The following ZNF469 variants were observed in gnomAD, a reference collection of about 807,000 sequenced individuals.
ZNF469 encodes the protein zinc finger protein 469.
Under a neutral mutation model 1.0 loss-of-function variants are expected in ZNF469, and 1 was observed. The observed-to-expected ratio is 1.00, with a 90% CI of 0.35 to 4.73. The LOEUF (loss-of-function observed/expected upper bound fraction) is 4.73, where lower values mean the gene tolerates loss of function less well. Among genes scored for constraint, ZNF469 ranks in the 30% most tolerant of loss-of-function variants. The pLI is 0.16. For missense variants in ZNF469, 6,100 were observed against 5,356.3 expected, an observed-to-expected ratio of 1.14 and a Z score of -4.33; for synonymous variants, 2,703 against 2,363.4, an observed-to-expected ratio of 1.14 and a Z score of -4.17.
chr16:88,357,935 A>G, the ZNF469 span, among the ~76,000 whole-genome samples: 81,009 of 152,164 alleles, frequency 0.53, 22,936 homozygotes, highest in East Asian at 0.77. Flanking sequence ...GGCGCCTTCC[A>G]CACCCGCAGT....
intron 1 of ZNF469, among the ~76,000 whole-genome samples, chr16:88,394,239 G>GCGC (rs1345502721): frequency 2.0e-5 from 3 of 151,672 alleles, no homozygotes; most frequent in Non-Finnish European, 2.9e-5. Context: ...TGTCCAAGAG[G>GCGC]AGCAGGGTTT....
the ZNF469 span, among the ~76,000 whole-genome samples, chr16:88,279,426 C>T: frequency 4.7e-5 from 7 of 147,836 alleles, no homozygotes; most frequent in South Asian, 2.2e-4. Context: ...CACTGACACT[C>T]GGTCAGTACC....
At chr16:88,117,254 G>A in the ZNF469 span, among the ~76,000 whole-genome samples, 25 of 151,864 alleles carry the variant, frequency 1.6e-4, no homozygotes, top group Non-Finnish European at 3.1e-4. Flanking sequence ...TGTGAGAGCC[G>A]GGGACGTGTG....
At chr16:88,375,698 G>A in the ZNF469 span, among the ~76,000 whole-genome samples, 12 of 152,250 alleles carry the variant, frequency 7.9e-5, no homozygotes, top group African/African-American at 2.2e-4. Flanking sequence ...GGCATGAGGC[G>A]CACTGTCCTC....
At chr16:88,131,696 G>A in the ZNF469 span, among the ~76,000 whole-genome samples, 2 of 152,360 alleles carry the variant, frequency 1.3e-5, no homozygotes. Flanking sequence ...GGGGCCGCTC[G>A]CAGAAGGCAG....
chr16:88,337,612 C>A, the ZNF469 span, among the ~76,000 whole-genome samples: 1 of 152,172 alleles, frequency 6.6e-6, no homozygotes, highest in Non-Finnish European at 1.5e-5. Flanking sequence ...CAGGCTGCTC[C>A]TCATTTTGCA....
At chr16:88,376,680 G>A in the ZNF469 span, among the ~76,000 whole-genome samples, 3 of 152,264 alleles carry the variant, frequency 2.0e-5, no homozygotes, top group East Asian at 5.8e-4. Context: ...GGAGAGAGCA[G>A]CTGCCCACGG....
the ZNF469 span, among the ~76,000 whole-genome samples, chr16:88,214,472 GT>G: frequency 4.7e-4 from 70 of 148,748 alleles, 1 homozygote; most frequent in South Asian, 9.0e-3. Flanking sequence ...GTTCTTTTGA[GT>G]TTTTTTTTTA....
the ZNF469 span, among the ~76,000 whole-genome samples, chr16:88,337,681 T>C: frequency 1.3e-5 from 2 of 152,210 alleles, no homozygotes; most frequent in African/African-American, 4.8e-5. Context: ...CAAGCATCAC[T>C]GCACATCTTT....
At chr16:88,208,777 G>GCACACACACACACACACA in the ZNF469 span, among the ~76,000 whole-genome samples, 72 of 129,980 alleles carry the variant, frequency 5.5e-4, 1 homozygote, top group Non-Finnish European at 8.0e-4. Flanking sequence ...GCGCGTGCGC[G>GCACACACACACACACACA]CGCACACACA....
At chr16:88,329,950 G>A in the ZNF469 span, among the ~76,000 whole-genome samples, 24 of 152,348 alleles carry the variant, frequency 1.6e-4, 1 homozygote, top group African/African-American at 4.1e-4. Flanking sequence ...CCAAAGGAAC[G>A]TAGTCTGATG....
At chr16:88,126,185 T>TCC in the ZNF469 span, among the ~76,000 whole-genome samples, 1 of 66,238 alleles carries the variant, frequency 1.5e-5, no homozygotes, top group African/African-American at 7.4e-5. Flanking sequence ...TGAGACTCCA[T>TCC]CCCAAAAAAA....
chr16:88,356,498 G>A, the ZNF469 span, among the ~76,000 whole-genome samples: 1 of 152,102 alleles, frequency 6.6e-6, no homozygotes, highest in East Asian at 1.9e-4. Flanking sequence ...GCCTGTGTGT[G>A]TGTGTACATG....
At chr16:88,418,793 A>G (rs923076496) in intron 1 of ZNF469, among the ~76,000 whole-genome samples, 1 of 152,246 alleles carries the variant, frequency 6.6e-6, no homozygotes, top group Non-Finnish European at 1.5e-5. Context: ...TTTTACCTGC[A>G]AAGGTTTATC....
At chr16:88,222,405 C>T in the ZNF469 span, among the ~76,000 whole-genome samples, 1 of 152,210 alleles carries the variant, frequency 6.6e-6, no homozygotes, top group African/African-American at 2.4e-5. Context: ...CCTCTTGCCT[C>T]AGCCTCCCGA....
chr16:88,437,910 C>T lies in ZNF469; in HGVS notation c.10440C>T (p.Pro3480=), dbSNP rs747109021. The T allele has an allele frequency of 1.5e-5, 23 of 1,539,608 alleles. No individual in the cohort carries two copies. The South Asian group carries it at 1.7e-4, about 11-fold the overall frequency. The change falls in exon 3 of 3, where the codon CCC becomes CCT. Residue 3480 remains proline (P), a synonymous_variant. Coordinates refer to ENST00000565624, the MANE Select transcript of ZNF469 (RefSeq NM_001367624.2). ...GCAAACGGCGCAGGGTGGCCATGCC[C>T]GGCAGTGCCCCTGGGCCCGGCGAGG... ...LPSKRRRVAM[P]GSAPGPGEDR...
At chr16:88,188,633 G>A in the ZNF469 span, among the ~76,000 whole-genome samples, 9 of 152,304 alleles carry the variant, frequency 5.9e-5, no homozygotes, top group Admixed American at 4.6e-4. Context: ...GGTCTGGGAT[G>A]CCCCAGAACT....
chr16:88,235,270 C>T, the ZNF469 span, among the ~76,000 whole-genome samples: 1 of 152,180 alleles, frequency 6.6e-6, no homozygotes, highest in Non-Finnish European at 1.5e-5. Flanking sequence ...CATGGAGCTC[C>T]GGGCTTCCGC....
chr16:88,297,341 C>T, the ZNF469 span, among the ~76,000 whole-genome samples: 3 of 152,300 alleles, frequency 2.0e-5, no homozygotes, highest in East Asian at 1.9e-4. Context: ...GAGTCAAAGA[C>T]GGGTGCGTGC....
Sources: allele counts gnomAD v4.1 joint callset (sites outside exome capture counted in the v4.1 genomes callset), GRCh38; gene constraint gnomAD v4.1.1; transcripts MANE v1.5; gene names NCBI Gene and HGNC (gene_info 2026-07-23, HGNC 2026-07-21).